Variants in VPS54 observed in about 807,000 individuals in gnomAD.
VPS54 encodes VPS54 subunit of GARP complex.
A neutral mutation model predicts 121.5 loss-of-function variants in VPS54; 45 were observed. That is an observed-to-expected ratio of 0.37 (90% CI 0.29 to 0.47). The LOEUF (loss-of-function observed/expected upper bound fraction) is 0.47, where lower values mean the gene tolerates loss of function less well. Among genes scored for constraint, VPS54 ranks in the 20% least tolerant of loss-of-function variants. The pLI, the probability that VPS54 is intolerant of heterozygous loss-of-function variation, is 0.99. For missense variants in VPS54, 1,090 were observed against 1,131.4 expected (o/e 0.96, Z 0.52); for synonymous variants, 371 against 385.8 (o/e 0.96, Z 0.45).
chr2:63,898,794 AC>A (rs1395149138), intron 21 of VPS54, among the ~76,000 whole-genome samples: 1 of 151,054 alleles, frequency 6.6e-6, no homozygotes. Context: ...AAAAAAAAAA[AC>A]AAAACTGGTA....
At chr2:64,013,958 C>T (rs570290772) in intron 1 of VPS54, among the ~76,000 whole-genome samples, 112 of 149,662 alleles carry the variant, frequency 7.5e-4, no homozygotes, top group South Asian at 4.2e-3. Flanking sequence ...TTTGGAAGGC[C>T]GAGGCAGGTA....
chr2:63,984,958 C>CT (rs1462683231), intron 1 of VPS54, among the ~76,000 whole-genome samples: 1 of 151,954 alleles, frequency 6.6e-6, no homozygotes. Flanking sequence ...TTTAACAAGT[C>CT]TAAAAAAACA....
In VPS54 at chr2:63,977,534, T is replaced by C. The variant is rs75537626; in HGVS notation, c.378+4112A>G. Among the ~76,000 whole-genome samples the C allele has an allele frequency of 2.4e-4, 37 of 152,354 alleles. 1 individual carries two copies. The East Asian group carries it at 6.6e-3, about 27-fold the overall frequency. ...TCAAAAGCATTCTTCATTTCTGTTA[T>C]ACTATCTTTGATTTGTAGCATTTCC... On this transcript the variant is annotated intron_variant, in intron 3 of 22. Coordinates refer to ENST00000272322, the MANE Select transcript of VPS54 (RefSeq NM_016516.3).
At chr2:63,924,073 G>C (rs1449497412) in intron 12 of VPS54, among the ~76,000 whole-genome samples, 1 of 152,184 alleles carries the variant, frequency 6.6e-6, no homozygotes, top group East Asian at 1.9e-4. Flanking sequence ...GATGCAATTG[G>C]GGAAAGCCAG....
chr2:63,952,059 G>C (rs79708306), intron 7 of VPS54, among the ~76,000 whole-genome samples: 1 of 152,286 alleles, frequency 6.6e-6, no homozygotes, highest in East Asian at 1.9e-4. Context: ...GCTAGGCCCT[G>C]TTCTGGGTGC....
At chr2:63,971,118 T>C (rs1348182276) in intron 4 of VPS54, among the ~76,000 whole-genome samples, 4 of 152,218 alleles carry the variant, frequency 2.6e-5, no homozygotes, top group Admixed American at 1.3e-4. Flanking sequence ...CCTTGAATCA[T>C]TTTGCTCCAT....
At chr2:63,982,701 C>G (rs1483378826) in intron 2 of VPS54, among the ~76,000 whole-genome samples, 3 of 152,208 alleles carry the variant, frequency 2.0e-5, no homozygotes, top group Non-Finnish European at 4.4e-5. Flanking sequence ...CACTTAGGAA[C>G]TCCAGATAGC....
intron 1 of VPS54, among the ~76,000 whole-genome samples, chr2:64,015,668 G>A (rs753829797): frequency 1.5e-4 from 23 of 152,124 alleles, no homozygotes; most frequent in Non-Finnish European, 2.5e-4. Context: ...AACCGTCCTC[G>A]CAGAGCCATT....
At chr2:63,906,437 A>G (rs546470797) in intron 20 of VPS54, among the ~76,000 whole-genome samples, 1 of 152,364 alleles carries the variant, frequency 6.6e-6, no homozygotes, top group South Asian at 2.1e-4. Context: ...AGCATCAAAA[A>G]TGAAGAAATA....
intron 1 of VPS54, among the ~76,000 whole-genome samples, chr2:63,995,993 G>A (rs1244223138): frequency 6.6e-6 from 1 of 152,178 alleles, no homozygotes; most frequent in Non-Finnish European, 1.5e-5. Context: ...GGGCTCCACT[G>A]TAGTAAATTT....
intron 7 of VPS54, among the ~76,000 whole-genome samples, chr2:63,950,096 G>C (rs1221851961): frequency 6.6e-6 from 1 of 152,108 alleles, no homozygotes; most frequent in Non-Finnish European, 1.5e-5. Context: ...TTCTTATCTT[G>C]AAATCCTTCA....
At chr2:63,993,166 T>C (rs773774098) in intron 1 of VPS54, among the ~76,000 whole-genome samples, 12 of 152,234 alleles carry the variant, frequency 7.9e-5, no homozygotes, top group Non-Finnish European at 1.5e-4. Flanking sequence ...TCATGGTCGA[T>C]AAACATATTC....
intron 1 of VPS54, among the ~76,000 whole-genome samples, chr2:63,984,222 G>A (rs767096718): frequency 6.6e-6 from 1 of 152,164 alleles, no homozygotes; most frequent in Non-Finnish European, 1.5e-5. Flanking sequence ...TTAAAAAAGT[G>A]AAACACCCTT....
chr2:63,921,062 G>A (rs59540641), intron 13 of VPS54, 144 bp downstream of exon 13: 25,999 of 774,556 alleles, frequency 0.034, 717 homozygotes, highest in African/African-American at 0.11. Context: ...CATCTCCCTA[G>A]TAGACCACAT....
At chr2:63,983,743 C>G (rs1364821175) in intron 2 of VPS54, 121 bp downstream of exon 2, 1 of 1,329,438 alleles carries the variant, frequency 7.5e-7, no homozygotes, top group Non-Finnish European at 1.0e-6. Context: ...TGCCCGGCCC[C>G]CCCAAATGAT....
At chr2:63,961,583 A>G (rs916294603) in intron 7 of VPS54, among the ~76,000 whole-genome samples, 4 of 152,222 alleles carry the variant, frequency 2.6e-5, no homozygotes, top group African/African-American at 9.6e-5. Context: ...CAAAATAATA[A>G]CAGGAGAAAT....
At chr2:63,897,345 CA>C (rs1672487642) in intron 22 of VPS54, 150 bp downstream of exon 22, 3 of 563,888 alleles carry the variant, frequency 5.3e-6, no homozygotes, top group Non-Finnish European at 9.2e-6. Flanking sequence ...CAGATATTTC[CA>C]CAGGGGAAAA....
chr2:63,911,314 G>A (rs1188239997), intron 20 of VPS54, among the ~76,000 whole-genome samples: 1 of 152,146 alleles, frequency 6.6e-6, no homozygotes, highest in Non-Finnish European at 1.5e-5. Context: ...GTATAGGTAT[G>A]TTTGTACATA....
intron 4 of VPS54, among the ~76,000 whole-genome samples, chr2:63,969,826 T>A (rs1042710472): frequency 6.6e-6 from 1 of 152,162 alleles, no homozygotes; most frequent in African/African-American, 2.4e-5. Flanking sequence ...TATGTAATTT[T>A]AAAAAATGAA....
Sources: gnomAD v4.1 joint callset for allele counts (sites outside exome capture counted in the v4.1 genomes callset) on GRCh38, gnomAD v4.1.1 for gene constraint, MANE v1.5 for transcripts, NCBI Gene and HGNC (gene_info 2026-07-23, HGNC 2026-07-21) for gene names.